RSPO3: variants seen among roughly 807,000 people sequenced by gnomAD.
RSPO3 encodes the protein R-spondin 3.
Under a neutral mutation model 36.5 loss-of-function variants are expected in RSPO3, and 17 were observed. That is an observed-to-expected ratio of 0.47 (90% CI 0.32 to 0.70). The LOEUF is 0.70. Among genes scored for constraint, RSPO3 ranks in the 30% least tolerant of loss-of-function variants. The probability of loss-of-function intolerance (pLI) is 0.04; values close to 1 mark genes in which losing one functional copy is unlikely to be tolerated. For synonymous variants in RSPO3, 108 were observed against 107.0 expected, an observed-to-expected ratio of 1.01 and a Z score of -0.06; for missense variants, 294 against 322.5, an observed-to-expected ratio of 0.91 and a Z score of 0.68.
rs1317277012 is a variant in RSPO3 at position 127,119,249 on chromosome 6, C to G, written c.57C>G (p.Ile19Met). ...TCATTTTGAACTTTATGGAATACAT[C>G]GGCAGCCAAAACGCCTCCCGGGGAA... The part of the protein sequence containing the change: ...LFIILNFMEY[I>M]GSQNASRGRR... The change falls in exon 1 of 5, where the codon ATC (isoleucine) becomes ATG (methionine). Residue 19 changes from isoleucine (I) to methionine (M), a missense_variant. Ile to Met is a conservative substitution (Grantham distance 10). Coordinates refer to ENST00000356698, the MANE Select transcript of RSPO3 (RefSeq NM_032784.5). 3.1e-6 allele frequency: 5 copies of G among 1,613,438 alleles called. No individual in the cohort carries two copies. The highest frequency in any genetic ancestry group is 4.2e-6 in the Non-Finnish European group (5 of 1,179,668).
rs555491476 is a variant in RSPO3, at chr6:127,168,780, G to T, written c.634+13342G>T. Among the ~76,000 whole-genome samples, 5 of 152,148 alleles carry T rather than the reference G, an allele frequency of 3.3e-5. No homozygotes were observed. In the East Asian group the frequency reaches 9.7e-4, roughly 29 times the overall value. ...CATCTTGAATTAATTTTTGTATAAG[G>T]TGTAAGAAAGGGATCCAGTTTCAGC... is the stretch of plus-strand genomic sequence containing the variant. On this transcript the variant is annotated intron_variant, in intron 4 of 4. Transcript: ENST00000356698.
intron 1 of RSPO3, among the ~76,000 whole-genome samples, chr6:127,141,258 G>A (rs1582791606): frequency 6.6e-6 from 1 of 152,168 alleles, no homozygotes; most frequent in South Asian, 2.1e-4. Context: ...CCTGATTTTG[G>A]ACTAGCTGTG....
chr6:127,177,657 A>C (rs1775082435), intron 4 of RSPO3, among the ~76,000 whole-genome samples: 1 of 151,906 alleles, frequency 6.6e-6, no homozygotes, highest in Non-Finnish European at 1.5e-5. Flanking sequence ...TGAAATGGTA[A>C]AACAAGAATA....
chr6:127,119,250 G>A lies in RSPO3; in HGVS notation c.58G>A (p.Gly20Ser). The A allele has an allele frequency of 6.2e-7, 1 of 1,613,190 alleles. No homozygotes were observed. Among genetic ancestry groups the A allele is most frequent in the Non-Finnish European group, 8.5e-7 (1 of 1,179,568 alleles). The change falls in exon 1 of 5, where the codon GGC (glycine) becomes AGC (serine). Residue 20 changes from glycine (G) to serine (S), a missense_variant. Transcript: ENST00000356698. ...CATTTTGAACTTTATGGAATACATC[G>A]GCAGCCAAAACGCCTCCCGGGGAAG... Reference protein sequence around the residue: ...FIILNFMEYIGSQNASRGRRQ... With the variant: ...FIILNFMEYISSQNASRGRRQ...
At chr6:127,159,407 G>A (rs1385542696) in intron 4 of RSPO3, among the ~76,000 whole-genome samples, 1 of 152,086 alleles carries the variant, frequency 6.6e-6, no homozygotes, top group Admixed American at 6.6e-5. Flanking sequence ...TGAGGTGGAG[G>A]TCTATCTTCC....
intron 1 of RSPO3, among the ~76,000 whole-genome samples, chr6:127,130,829 A>G (rs966862224): frequency 4.6e-5 from 7 of 152,078 alleles, no homozygotes. Context: ...TTTTCAATTT[A>G]TGATGAGTTT....
At chr6:127,123,871 C>A (rs1322372661) in intron 1 of RSPO3, among the ~76,000 whole-genome samples, 2 of 151,972 alleles carry the variant, frequency 1.3e-5, no homozygotes, top group Non-Finnish European at 2.9e-5. Context: ...GAAATTACAA[C>A]GTGTAGTAAA....
chr6:127,190,784 G>A (rs371029452), intron 4 of RSPO3, among the ~76,000 whole-genome samples: 1 of 152,122 alleles, frequency 6.6e-6, no homozygotes, highest in Admixed American at 6.5e-5. Flanking sequence ...GTGACACTTC[G>A]CAAGAAATTC....
rs1774467091 is a variant in RSPO3 at position 127,150,358 on chromosome 6, C to G, written c.290-68C>G. ...AAGTTGTGTGTGGCTGTGTCTGACA[C>G]ATGTAGAACTGGACCAATAGTTAAG... On this transcript the variant is annotated intron_variant, in intron 2 of 4. Coordinates refer to ENST00000356698, the MANE Select transcript of RSPO3 (RefSeq NM_032784.5). The G allele has an allele frequency of 6.9e-6, 10 of 1,455,748 alleles. No individual in the cohort carries two copies. The South Asian group carries it at 1.1e-4, about 17-fold the overall frequency. The allele number at this position is 1,455,748 out of a possible 1,614,324, so 90.2% of individuals were successfully genotyped here. A position where few individuals can be genotyped will look rare whatever the true frequency, so the allele number is the denominator to read the frequency against.
At chr6:127,137,585 C>A (rs1199726773) in intron 1 of RSPO3, among the ~76,000 whole-genome samples, 1 of 152,126 alleles carries the variant, frequency 6.6e-6, no homozygotes, top group East Asian at 1.9e-4. Flanking sequence ...TTCTCATCTG[C>A]AAATTTAAGG....
chr6:127,144,837 G>A (rs1411416588), intron 1 of RSPO3, among the ~76,000 whole-genome samples: 1 of 151,778 alleles, frequency 6.6e-6, no homozygotes, highest in Admixed American at 6.6e-5. Context: ...AGCCAGGCTG[G>A]TCTCAAACTC....
chr6:127,172,596 G>A (rs76732905), intron 4 of RSPO3, among the ~76,000 whole-genome samples: 158 of 151,814 alleles, frequency 1.0e-3, no homozygotes, highest in African/African-American at 3.7e-3. Context: ...ACAGAAACAT[G>A]TATTCGCTTG....
intron 1 of RSPO3, among the ~76,000 whole-genome samples, chr6:127,138,713 C>T (rs1391423659): frequency 6.6e-6 from 1 of 152,088 alleles, no homozygotes; most frequent in Non-Finnish European, 1.5e-5. Flanking sequence ...AGTTAAACAA[C>T]TTTTGTCTAA....
At chr6:127,160,612 T>A (rs185483055) in intron 4 of RSPO3, among the ~76,000 whole-genome samples, 1 of 152,342 alleles carries the variant, frequency 6.6e-6, no homozygotes, top group Non-Finnish European at 1.5e-5. Context: ...GGGCACATTA[T>A]GCAGAAATTT....
chr6:127,149,252 T>C (rs1390765068), intron 2 of RSPO3, among the ~76,000 whole-genome samples: 1 of 152,140 alleles, frequency 6.6e-6, no homozygotes. Context: ...GAAATAAATA[T>C]TGGGAGTACT....
intron 4 of RSPO3, among the ~76,000 whole-genome samples, chr6:127,179,052 T>C (rs2114629167): frequency 6.6e-6 from 1 of 152,022 alleles, no homozygotes; most frequent in African/African-American, 2.4e-5. Flanking sequence ...TGTCTTAAAG[T>C]TGATCTTGCA....
At chr6:127,153,683 G>C (rs1774535308) in intron 3 of RSPO3, among the ~76,000 whole-genome samples, 1 of 151,974 alleles carries the variant, frequency 6.6e-6, no homozygotes, top group Admixed American at 6.6e-5. Context: ...CGAAGTTCTG[G>C]TCACTTGCAC....
At position 127,135,416 on chromosome 6, in the gene RSPO3, T is replaced by TA. The variant is rs35739572; in HGVS notation, c.98-13207dup. Among the ~76,000 whole-genome samples the TA allele has an allele frequency of 8.8e-3, 834 of 95,192 alleles. 3 individuals carry two copies. Among genetic ancestry groups the TA allele is most frequent in the Middle Eastern group, 0.02 (3 of 152 alleles). 62.4% of individuals were successfully genotyped at this position (95,192 alleles called of 152,430 possible). On this transcript the variant is annotated intron_variant, in intron 1 of 4. Transcript: ENST00000356698. ...AGCCTGGCAACAGAGTGAGAATCCA[T>TA]AAAAAAAAAAAAAAAAAAAAAAAAA... is the stretch of plus-strand genomic sequence containing the variant.
At chr6:127,166,097 C>T (rs1470111834) in intron 4 of RSPO3, among the ~76,000 whole-genome samples, 1 of 151,760 alleles carries the variant, frequency 6.6e-6, no homozygotes, top group Non-Finnish European at 1.5e-5. Flanking sequence ...TTATAAAAAG[C>T]ATTTGACTTT....
Sources: gnomAD v4.1 joint callset for allele counts (sites outside exome capture counted in the v4.1 genomes callset) on GRCh38, gnomAD v4.1.1 for gene constraint, MANE v1.5 for transcripts, NCBI Gene and HGNC (gene_info 2026-07-23, HGNC 2026-07-21) for gene names.